The following ASXL1 variants were observed in gnomAD, a reference collection of about 807,000 sequenced individuals.
ASXL1 encodes the protein polycomb group protein ASXL1.
In ASXL1, 65 loss-of-function variants were observed where a neutral mutation model predicts 89.1. The ratio of observed to expected loss-of-function variants is 0.73; its 90% CI spans 0.60 to 0.90. ASXL1 has a LOEUF of 0.90. Ranked by LOEUF, ASXL1 falls within the 40% of genes least tolerant of loss-of-function variation. The pLI, the probability that ASXL1 is intolerant of heterozygous loss-of-function variation, is 0.00. For missense variants in ASXL1, 1,786 were observed against 1,942.9 expected (o/e 0.92, Z 1.52); for synonymous variants, 739 against 746.9 (o/e 0.99, Z 0.17).
In ASXL1 at chr20:32,435,468, T is replaced by C. The variant is rs549809573; in HGVS notation, c.2756T>C (p.Ile919Thr). 8 of 1,613,974 alleles carry C rather than the reference T, an allele frequency of 5.0e-6. No homozygotes were observed. In the African/African-American group the frequency reaches 8.0e-5, roughly 16 times the overall value. ...KQPKPESREH[I>T]PSVEPQVGEE... ...CCCAAACCAGAATCCAGAGAACACA[T>C]ACCATCTGTTGAGCCCCAGGTTGGA... is the stretch of plus-strand genomic sequence containing the variant. The change falls in exon 13 of 13, where the codon ATA becomes ACA. Residue 919 changes from isoleucine to threonine, a missense_variant. Coordinates refer to ENST00000375687, the MANE Select transcript of ASXL1 (RefSeq NM_015338.6).
At position 32,358,774 on chromosome 20, in the gene ASXL1, G is replaced by A. The variant is rs2048056024; in HGVS notation, c.-2G>A. 2 of 1,480,312 alleles carry A rather than the reference G, an allele frequency of 1.4e-6. No individual in the cohort carries two copies. Among genetic ancestry groups the A allele is most frequent in the Non-Finnish European group, 1.8e-6 (2 of 1,109,654 alleles). 91.7% of individuals were successfully genotyped at this position (1,480,312 alleles called of 1,614,324 possible). A position where few individuals can be genotyped will look rare whatever the true frequency, so the allele number is the denominator to read the frequency against. On this transcript the variant is annotated 5_prime_UTR_variant, in exon 1 of 13. Transcript: ENST00000375687. ...GAGCTGCCGCCGCCGCCGGGGAGAA[G>A]GATGAAGGACAAACAGAAGAAGAAG...
chr20:32,394,891 A>C (rs2048735560), intron 4 of ASXL1, among the ~76,000 whole-genome samples: 1 of 151,104 alleles, frequency 6.6e-6, no homozygotes, highest in Non-Finnish European at 1.5e-5. Flanking sequence ...TTTTTGTATT[A>C]TTAGTAGAGA....
chr20:32,436,936 G>T lies in ASXL1; in HGVS notation c.4224G>T (p.Leu1408Phe). 1.2e-6 allele frequency: 2 copies of T among 1,614,182 alleles called. No individual in the cohort carries two copies. Among genetic ancestry groups the T allele is most frequent in the Non-Finnish European group, 1.7e-6 (2 of 1,180,046 alleles). ...HLEGMPFVMD[L>F]PFWKLPREPG... is the part of the protein sequence containing the mutation. ...AAGGGATGCCCTTTGTCATGGACTT[G>T]CCCTTCTGGAAATTACCCCGAGAGC... Residue 1408 changes from leucine (L) to phenylalanine (F), a missense_variant, in exon 13 of 13, where the codon TTG becomes TTT. Leu to Phe is a conservative substitution (Grantham distance 22, BLOSUM62 0). Transcript: ENST00000375687.
intron 4 of ASXL1, among the ~76,000 whole-genome samples, chr20:32,421,270 C>G (rs1600560247): frequency 6.7e-6 from 1 of 149,172 alleles, no homozygotes; most frequent in Admixed American, 6.7e-5. Flanking sequence ...AAAAAAAGTG[C>G]TCAACATCTT....
rs758190871 is a variant in ASXL1, at chr20:32,432,994, G to A, written c.1085+9G>A. On this transcript the variant is annotated intron_variant, in intron 11 of 12. Transcript: ENST00000375687. The stretch of plus-strand genomic sequence containing the variant: ...GACTACTATGGACAGAAGTAAGGCA[G>A]TTGGAGCTATGAGTCCTGGTCTGGG... The A allele has an allele frequency of 6.2e-7, 1 of 1,613,522 alleles. No individual in the cohort carries two copies. The highest frequency in any genetic ancestry group is 1.1e-5 in the South Asian group (1 of 91,018).
At chr20:32,378,590 G>C (rs1056622771) in intron 4 of ASXL1, among the ~76,000 whole-genome samples, 1 of 152,108 alleles carries the variant, frequency 6.6e-6, no homozygotes, top group Non-Finnish European at 1.5e-5. Flanking sequence ...AAAGTCATGT[G>C]TCAGTGTTGA....
At position 32,358,696 on chromosome 20, in the gene ASXL1, C is replaced by CGCCCCA. The variant is rs2048054176; in HGVS notation, c.-74_-69dup. On this transcript the variant is annotated 5_prime_UTR_variant, in exon 1 of 13. Coordinates refer to ENST00000375687, the MANE Select transcript of ASXL1 (RefSeq NM_015338.6). Reference sequence around the variant, plus strand: ...CACGCGCCCCCCCCACCGCCGCCGCCGCCCCAGCCCCGCGCCACCGCCCCA... The same window carrying CGCCCCA: ...CACGCGCCCCCCCCACCGCCGCCGCCGCCCCAGCCCCAGCCCCGCGCCACCGCCCCA... 2 of 734,200 alleles carry CGCCCCA rather than the reference C, an allele frequency of 2.7e-6. No homozygotes were observed. The allele number at this position is 734,200 out of a possible 1,614,324, so 45.5% of individuals were successfully genotyped here.
intron 4 of ASXL1, among the ~76,000 whole-genome samples, chr20:32,385,235 T>C (rs1017945582): frequency 1.3e-5 from 2 of 152,214 alleles, no homozygotes; most frequent in Non-Finnish European, 2.9e-5. Flanking sequence ...AAATTGCCTG[T>C]GAGAGTTTAA....
Position 32,430,014 on chromosome 20 carries a change from C to A in ASXL1, c.679C>A (p.Pro227Thr). Residue 227 changes from proline to threonine, a missense_variant, in exon 8 of 13, where the codon CCT becomes ACT. Transcript: ENST00000375687. Reference protein sequence around the residue: ...IRGQAEVTQDPAPLLRGFRKP... With the variant: ...IRGQAEVTQDTAPLLRGFRKP... ...TGGCCAGGCCGAGGTCACCCAGGAC[C>A]CTGCCCCGCTCCTGAGAGGCTTCCG... The A allele has an allele frequency of 6.2e-7, 1 of 1,607,722 alleles. No individual in the cohort carries two copies. Among genetic ancestry groups the A allele is most frequent in the Non-Finnish European group, 8.5e-7 (1 of 1,179,962 alleles).
intron 4 of ASXL1, among the ~76,000 whole-genome samples, chr20:32,400,478 AG>A (rs2048853840): frequency 2.0e-5 from 3 of 152,188 alleles, no homozygotes; most frequent in Non-Finnish European, 4.4e-5. Context: ...TTCTGAGACA[AG>A]ATTCTTCCCA....
intron 4 of ASXL1, 66 bp downstream of exon 4, chr20:32,369,189 T>G (rs1423628392): frequency 1.4e-6 from 2 of 1,426,382 alleles, no homozygotes; most frequent in South Asian, 2.3e-5. Flanking sequence ...AAAAATCACC[T>G]GGTAGGTCTG....
chr20:32,401,116 A>G (rs1357902329), intron 4 of ASXL1, among the ~76,000 whole-genome samples: 1 of 152,232 alleles, frequency 6.6e-6, no homozygotes, highest in Non-Finnish European at 1.5e-5. Context: ...TATTAAAACT[A>G]GGAAATTGAC....
intron 4 of ASXL1, among the ~76,000 whole-genome samples, chr20:32,393,996 ATTT>A (rs11312197): frequency 1.7e-4 from 17 of 100,932 alleles, no homozygotes; most frequent in Admixed American, 3.2e-4. Context: ...ACACCTGGCT[ATTT>A]TTTTTTTTTT....
At chr20:32,432,281 C>T (rs1311802436) in intron 10 of ASXL1, 1 of 177,274 alleles carries the variant, frequency 5.6e-6, no homozygotes, top group Admixed American at 5.4e-5. Context: ...TGGTGTCACA[C>T]AGGACACATT....
At chr20:32,376,964 C>A (rs2048391127) in intron 4 of ASXL1, among the ~76,000 whole-genome samples, 1 of 139,226 alleles carries the variant, frequency 7.2e-6, no homozygotes, top group Non-Finnish European at 1.5e-5. Flanking sequence ...TGGCCAGGCA[C>A]GTGGCTCATG....
chr20:32,358,901 C>T (rs1194614917), intron 1 of ASXL1, 69 bp downstream of exon 1: 9 of 1,384,700 alleles, frequency 6.5e-6, no homozygotes, highest in Admixed American at 3.0e-5. Context: ...CACCCCCCCA[C>T]TGGGGGGGGA....
chr20:32,410,237 C>T (rs1352479003), intron 4 of ASXL1, among the ~76,000 whole-genome samples: 1 of 152,118 alleles, frequency 6.6e-6, no homozygotes, highest in Non-Finnish European at 1.5e-5. Flanking sequence ...ACAGATAGTC[C>T]CAAGCCCTAT....
chr20:32,437,755 TCTG>T lies in ASXL1; in HGVS notation c.*420_*422del, dbSNP rs2145400224. ...CTACCCCCTCCCTGCCATCTTTTCTTCTGCTACTTTGGGGAGTTGATGGCCAGG... is the reference window on the plus strand; with the variant it reads ...CTACCCCCTCCCTGCCATCTTTTCTTCTACTTTGGGGAGTTGATGGCCAGG... On this transcript the variant is annotated 3_prime_UTR_variant, in exon 13 of 13. Coordinates refer to ENST00000375687, the MANE Select transcript of ASXL1 (RefSeq NM_015338.6). 2 of 293,602 alleles carry T rather than the reference TCTG, an allele frequency of 6.8e-6. No individual in the cohort carries two copies. Among genetic ancestry groups the T allele is most frequent in the South Asian group, 1.5e-4 (2 of 13,698 alleles). The allele number at this position is 293,602 out of a possible 1,614,324, so 18.2% of individuals were successfully genotyped here.
At chr20:32,401,544 G>GCTTTT (rs1555907088) in intron 4 of ASXL1, among the ~76,000 whole-genome samples, 1 of 69,304 alleles carries the variant, frequency 1.4e-5, no homozygotes. Flanking sequence ...GTGTGTGTGT[G>GCTTTT]TTTTTTCCCC....
Sources: gnomAD v4.1 joint callset for allele counts (sites outside exome capture counted in the v4.1 genomes callset) on GRCh38, gnomAD v4.1.1 for gene constraint, MANE v1.5 for transcripts, NCBI Gene and HGNC (gene_info 2026-07-23, HGNC 2026-07-21) for gene names.